EIF4A2: variants seen among roughly 807,000 people sequenced by gnomAD.
EIF4A2 encodes the protein eukaryotic initiation factor 4A-II.
A neutral mutation model predicts 50.6 loss-of-function variants in EIF4A2; 9 were observed. That is an observed-to-expected ratio of 0.18 (90% CI 0.11 to 0.31). The LOEUF (loss-of-function observed/expected upper bound fraction) is 0.31, where lower values mean the gene tolerates loss of function less well. Ranked by LOEUF, EIF4A2 falls within the 10% of genes least tolerant of loss-of-function variation. The pLI, the probability that EIF4A2 is intolerant of heterozygous loss-of-function variation, is 1.00. For missense variants in EIF4A2, 182 were observed against 501.8 expected, an observed-to-expected ratio of 0.36 and a Z score of 6.09; for synonymous variants, 215 against 164.4, an observed-to-expected ratio of 1.31 and a Z score of -2.35.
In EIF4A2 at chr3:186,784,696, G is replaced by A; in HGVS notation, c.208G>A (p.Gly70Arg). The change falls in exon 3 of 11, where the codon GGG (glycine) becomes AGG (arginine). Residue 70 changes from glycine (G) to arginine (R), a missense_variant and splice_region_variant. Physicochemically the swap from Gly to Arg is moderately radical, Grantham distance 125. This residue lies in a region of EIF4A2 where 113 missense variants were observed against 357.3 expected (regional missense o/e 0.32). Transcript: ENST00000323963. ...GAGAGCTATTATTCCCTGTATTAAA[G>A]GTAAAAGAAACTGGCATTTTTAGGA... is the stretch of plus-strand genomic sequence containing the variant. The part of the protein sequence containing the change: ...QQRAIIPCIK[G>R]YDVIAQAQSG... The A allele has an allele frequency of 1.2e-6, 2 of 1,612,942 alleles. No homozygotes were observed. Among genetic ancestry groups the A allele is most frequent in the Non-Finnish European group, 1.7e-6 (2 of 1,179,374 alleles).
At chr3:186,785,500 G>T in intron 4 of EIF4A2, 2 of 296,516 alleles carry the variant, frequency 6.7e-6, no homozygotes, top group Non-Finnish European at 1.3e-5. Context: ...TAATAAAGCT[G>T]TAGGCTTTAT....
At chr3:186,784,172 C>T (rs182723385) in intron 1 of EIF4A2, 6 of 557,388 alleles carry the variant, frequency 1.1e-5, no homozygotes, top group Non-Finnish European at 1.9e-5. Flanking sequence ...GGGCGGAGTT[C>T]GGCGCTCCGA....
intron 2 of EIF4A2, 38 bp downstream of exon 2, chr3:186,784,515 T>G: frequency 1.2e-6 from 2 of 1,614,024 alleles, no homozygotes; most frequent in Non-Finnish European, 1.7e-6. Context: ...TTTGGAAAGG[T>G]GAGTGTGTTC....
chr3:186,788,346 A>G (rs1242100390), intron 10 of EIF4A2: 1 of 1,289,458 alleles, frequency 7.8e-7, no homozygotes, highest in Non-Finnish European at 1.0e-6. Context: ...GATGGCACTC[A>G]GAAACGGCGT....
chr3:186,786,396 T>C lies in EIF4A2; in HGVS notation c.628-106T>C. On this transcript the variant is annotated intron_variant, in intron 6 of 10. Transcript: ENST00000323963. ...CTGCTTAAAGCACTTGATGCATAAC[T>C]CTGTCTACCTTCATTCCGTAGTAAG... 10 of 1,537,410 alleles carry C rather than the reference T, an allele frequency of 6.5e-6. No homozygotes were observed. The East Asian group carries it at 6.8e-5, about 11-fold the overall frequency.
chr3:186,788,241 CTT>C (rs1358236128), intron 10 of EIF4A2: 4 of 1,250,218 alleles, frequency 3.2e-6, no homozygotes, highest in Non-Finnish European at 4.2e-6. Context: ...GTTATAGTGG[CTT>C]TATCCCTAAA....
Position 186,789,581 on chromosome 3 carries a change from A to G in EIF4A2, c.*312A>G. The G allele has an allele frequency of 3.0e-6, 1 of 333,814 alleles. No individual in the cohort carries two copies. The highest frequency in any genetic ancestry group is 5.5e-6 in the Non-Finnish European group (1 of 183,462). 20.7% of individuals were successfully genotyped at this position (333,814 alleles called of 1,614,324 possible). A position where few individuals can be genotyped will look rare whatever the true frequency, so the allele number is the denominator to read the frequency against. On this transcript the variant is annotated 3_prime_UTR_variant, in exon 11 of 11. Coordinates refer to ENST00000323963, the MANE Select transcript of EIF4A2 (RefSeq NM_001967.4). ...ATTAGATGTTCTCTATCATTTAATA[A>G]TATACTTGTGGACTAAAAGATATAA...
At chr3:186,787,362 TAA>T (rs1360990220) in intron 8 of EIF4A2, 98 bp downstream of exon 8, 3 of 1,611,754 alleles carry the variant, frequency 1.9e-6, no homozygotes, top group African/African-American at 1.3e-5. Flanking sequence ...CTGCTTAAAA[TAA>T]AGTTGTTTCT....
chr3:186,786,812 A>C (rs200165234), intron 7 of EIF4A2, 167 bp downstream of exon 7: 48 of 961,234 alleles, frequency 5.0e-5, no homozygotes, highest in Non-Finnish European at 8.0e-5. Context: ...CCTCTTTCTT[A>C]ATGTCCAATG....
chr3:186,789,788 C>CTAAGCCCCAGCAAGCAATCCTAG lies in EIF4A2; in HGVS notation c.*520_*542dup, dbSNP rs1722007303. On this transcript the variant is annotated 3_prime_UTR_variant, in exon 11 of 11. Coordinates refer to ENST00000323963, the MANE Select transcript of EIF4A2 (RefSeq NM_001967.4). ...GCTAAGTGTGAACTGGACCCTGTTG[C>CTAAGCCCCAGCAAGCAATCCTAG]TAAGCCCCAGCAAGCAATCCTAGGT... The CTAAGCCCCAGCAAGCAATCCTAG allele has an allele frequency of 3.5e-5, 20 of 573,252 alleles. No individual in the cohort carries two copies. The highest frequency in any genetic ancestry group is 4.5e-4 in the Middle Eastern group (1 of 2,210). 35.5% of individuals were successfully genotyped at this position (573,252 alleles called of 1,614,324 possible). A position where few individuals can be genotyped will look rare whatever the true frequency, so the allele number is the denominator to read the frequency against.
At chr3:186,786,131 C>G (rs772215090) in intron 5 of EIF4A2, 33 bp from the exon 6 acceptor site, 2 of 1,607,884 alleles carry the variant, frequency 1.2e-6, no homozygotes, top group Non-Finnish European at 8.5e-7. Context: ...CTGAGTAGAT[C>G]TAGAAATGAC....
In EIF4A2 at chr3:186,785,997, A is replaced by G. The variant is rs746817318; in HGVS notation, c.463A>G (p.Ile155Val). ...AAAACTGCAGGCTGAAGCACCACAT[A>G]TTGTTGTTGGTACACCCGGGAGAGT... is the stretch of plus-strand genomic sequence containing the variant. ...MQKLQAEAPH[I>V]VVGTPGRVFD... The change falls in exon 5 of 11, where the codon ATT (isoleucine) becomes GTT (valine). Residue 155 changes from isoleucine to valine, a missense_variant. This residue lies in a region of EIF4A2 where 113 missense variants were observed against 357.3 expected (regional missense o/e 0.32). Transcript: ENST00000323963. 7.4e-6 allele frequency: 12 copies of G among 1,613,230 alleles called. No individual in the cohort carries two copies. The highest frequency in any genetic ancestry group is 1.6e-4 in the Middle Eastern group (1 of 6,080).
rs946917118 is a variant in EIF4A2, at chr3:186,787,255, T to C, written c.900T>C (p.Val300=). 1 of 1,613,968 alleles carries C rather than the reference T, an allele frequency of 6.2e-7. No individual in the cohort carries two copies. Among genetic ancestry groups the C allele is most frequent in the African/African-American group, 1.3e-5 (1 of 74,906 alleles). The change falls in exon 8 of 11, where the codon GTT becomes GTC. Residue 300 remains valine, a synonymous_variant. Coordinates refer to ENST00000323963, the MANE Select transcript of EIF4A2 (RefSeq NM_001967.4). Reference sequence around the variant, plus strand: ...AGATGCATGCCAGAGACTTCACAGTTTCTGCTCTGGTAAGAGGTGTTCTAA... The same window carrying C: ...AGATGCATGCCAGAGACTTCACAGTCTCTGCTCTGGTAAGAGGTGTTCTAA... The part of the protein sequence containing the change: ...TEKMHARDFT[V]SALHGDMDQK...
intron 1 of EIF4A2, chr3:186,783,985 T>G: frequency 2.4e-6 from 1 of 421,268 alleles, no homozygotes; most frequent in Non-Finnish European, 4.3e-6. Flanking sequence ...TTATTTTCGG[T>G]CATCCACACG....
At position 186,783,590 on chromosome 3, in the gene EIF4A2, C is replaced by G. The variant is rs185312410; in HGVS notation, c.-21C>G. 2.0e-5 allele frequency: 32 copies of G among 1,613,976 alleles called. No individual in the cohort carries two copies. In the East Asian group the frequency reaches 4.9e-4, roughly 25 times the overall value. On this transcript the variant is annotated 5_prime_UTR_variant, in exon 1 of 11. Transcript: ENST00000323963. The stretch of plus-strand genomic sequence containing the variant: ...GGGCGCCGCTGTCTTTTCAGTCGGG[C>G]GCTGAGTGGTTTTTCGGATCATGTC...
At chr3:186,784,771 G>C (rs916056628) in intron 3 of EIF4A2, 75 bp downstream of exon 3, 2 of 1,607,478 alleles carry the variant, frequency 1.2e-6, no homozygotes, top group Non-Finnish European at 1.7e-6. Context: ...ACCTCTGGGG[G>C]ACTAGCACCT....
At chr3:186,783,761 T>A (rs373057867) in intron 1 of EIF4A2, 122 bp downstream of exon 1, 3 of 1,481,838 alleles carry the variant, frequency 2.0e-6, no homozygotes, top group South Asian at 2.3e-5. Context: ...GGTACAGCAC[T>A]CCTGTGCCCT....
At chr3:186,786,350 T>C (rs77264282) in intron 6 of EIF4A2, 77 bp downstream of exon 6, 15,109 of 1,509,486 alleles carry the variant, frequency 0.01, 283 homozygotes, top group East Asian at 0.081. Context: ...ATACAACTGA[T>C]GTGTTTTGTT....
chr3:186,788,753 A>ATT (rs1345789735), intron 10 of EIF4A2: 1 of 234,042 alleles, frequency 4.3e-6, no homozygotes, highest in Non-Finnish European at 8.5e-6. Flanking sequence ...GTCGAAATGG[A>ATT]TTACATAACT....
Sources: gnomAD v4.1 joint callset for allele counts on GRCh38, gnomAD v4.1.1 for gene constraint, gnomAD v4.1.1 regional missense constraint, MANE v1.5 for transcripts, NCBI Gene and HGNC (gene_info 2026-07-23, HGNC 2026-07-21) for gene names.